RIMS2: variants seen among roughly 807,000 people sequenced by gnomAD.
RIMS2 encodes the protein regulating synaptic membrane exocytosis protein 2.
Under a neutral mutation model 174.4 loss-of-function variants are expected in RIMS2, and 59 were observed. The observed-to-expected ratio is 0.34, with a 90% confidence interval of 0.27 to 0.42. The LOEUF (loss-of-function observed/expected upper bound fraction) is 0.42, where lower values mean the gene tolerates loss of function less well. RIMS2 is among the 10% of genes least tolerant of loss of function. The pLI, the probability that RIMS2 is intolerant of heterozygous loss-of-function variation, is 1.00. For synonymous variants in RIMS2, 606 were observed against 572.5 expected (o/e 1.06, Z -0.84); for missense variants, 1,620 against 1,666.3 (o/e 0.97, Z 0.48).
chr8:103,850,506 C>A (rs1242933965), intron 3 of RIMS2, among the ~76,000 whole-genome samples: 3 of 152,118 alleles, frequency 2.0e-5, no homozygotes, highest in African/African-American at 7.2e-5. Flanking sequence ...TAGGAAGGAT[C>A]ATCTTCCAAT....
At chr8:103,598,118 A>G (rs1215598537) in intron 1 of RIMS2, among the ~76,000 whole-genome samples, 2 of 152,188 alleles carry the variant, frequency 1.3e-5, no homozygotes, top group Non-Finnish European at 2.9e-5. Context: ...GTTTGTGATC[A>G]AGTTTAGAAA....
intron 19 of RIMS2, among the ~76,000 whole-genome samples, chr8:104,121,564 C>T (rs2098374656): frequency 6.6e-6 from 1 of 152,172 alleles, no homozygotes; most frequent in Non-Finnish European, 1.5e-5. Flanking sequence ...AAATACAAGA[C>T]TATTACAAAG....
intron 19 of RIMS2, among the ~76,000 whole-genome samples, chr8:104,182,536 A>G (rs9643005): frequency 0.41 from 62,487 of 151,278 alleles, 13,379 homozygotes; most frequent in East Asian, 0.65. Context: ...TCCTCATTTC[A>G]CCCATTCATC....
At position 103,846,260 on chromosome 8, in the gene RIMS2, A is replaced by AGAAAGAAAAG. The variant is rs561330679; in HGVS notation, c.699-39036_699-39035insAAGAAAAGGA. On this transcript the variant is annotated intron_variant, in intron 3 of 23. Coordinates refer to ENST00000504942, the Ensembl canonical transcript of RIMS2. ...CTGAGGCTTAGAAAAAGAAAGAAAA[A>AGAAAGAAAAG]GAGGAGTATTGCCTAGAAGCAGAGT... is the stretch of plus-strand genomic sequence containing the variant. Among the ~76,000 whole-genome samples the AGAAAGAAAAG allele has an allele frequency of 6.1e-3, 935 of 152,262 alleles. 12 individuals carry two copies. Among genetic ancestry groups the AGAAAGAAAAG allele is most frequent in the African/African-American group, 0.021 (885 of 41,572 alleles).
chr8:104,249,248 C>A (rs993324902), intron 21 of RIMS2, among the ~76,000 whole-genome samples: 1 of 151,830 alleles, frequency 6.6e-6, no homozygotes, highest in Non-Finnish European at 1.5e-5. Flanking sequence ...GAATCTTTAA[C>A]AATATTATCA....
chr8:103,508,804 G>A (rs950526909), intron 1 of RIMS2, among the ~76,000 whole-genome samples: 1 of 152,130 alleles, frequency 6.6e-6, no homozygotes, highest in Non-Finnish European at 1.5e-5. Flanking sequence ...TAAGGCAGTA[G>A]AGGTGGAGGT....
intron 3 of RIMS2, among the ~76,000 whole-genome samples, chr8:103,879,206 G>A (rs2099156109): frequency 6.6e-6 from 1 of 151,234 alleles, no homozygotes; most frequent in Non-Finnish European, 1.5e-5. Context: ...AAAGTCTGGG[G>A]TAGATGAATA....
At chr8:104,066,918 C>A (rs950822952) in intron 19 of RIMS2, among the ~76,000 whole-genome samples, 2 of 151,956 alleles carry the variant, frequency 1.3e-5, no homozygotes, top group African/African-American at 4.8e-5. Context: ...ATATTATTTT[C>A]ATTAAACGAT....
chr8:104,053,039 A>G (rs900882154), intron 19 of RIMS2, among the ~76,000 whole-genome samples: 1 of 152,222 alleles, frequency 6.6e-6, no homozygotes, highest in Admixed American at 6.5e-5. Context: ...GTAAGGTCCA[A>G]TAGAATGGTG....
chr8:103,976,380 C>T (rs1020389616), intron 16 of RIMS2: 1 of 151,960 alleles, frequency 6.6e-6, no homozygotes, highest in Admixed American at 6.6e-5. Context: ...AACCAGTTTT[C>T]AATCACATAT....
chr8:103,883,458 G>A (rs1480135995), intron 3 of RIMS2, among the ~76,000 whole-genome samples: 1 of 151,394 alleles, frequency 6.6e-6, no homozygotes, highest in Non-Finnish European at 1.5e-5. Flanking sequence ...TAGGGTGTTG[G>A]GTACTATAAA....
intron 19 of RIMS2, among the ~76,000 whole-genome samples, chr8:104,238,233 G>A (rs544470012): frequency 1.2e-4 from 18 of 152,190 alleles, no homozygotes; most frequent in African/African-American, 3.9e-4. Flanking sequence ...TCACTCATAA[G>A]TGGGATTTGA....
chr8:103,648,064 A>G (rs769598781), intron 1 of RIMS2, among the ~76,000 whole-genome samples: 67 of 151,844 alleles, frequency 4.4e-4, no homozygotes, highest in Non-Finnish European at 8.0e-4. Context: ...TAATGCTATA[A>G]ATTTCCCCCC....
At chr8:103,764,947 G>A (rs898866041) in intron 2 of RIMS2, among the ~76,000 whole-genome samples, 1 of 152,074 alleles carries the variant, frequency 6.6e-6, no homozygotes, top group East Asian at 1.9e-4. Context: ...ATAAAAATGA[G>A]CAAGTACAAT....
chr8:103,961,083 A>T lies in RIMS2; in HGVS notation c.2720A>T (p.Asp907Val), dbSNP rs374496599. 4 of 1,499,516 alleles carry T rather than the reference A, an allele frequency of 2.7e-6. No individual in the cohort carries two copies. In the Admixed American group the frequency reaches 5.0e-5, roughly 19 times the overall value. The allele number at this position is 1,499,516 out of a possible 1,614,324, so 92.9% of individuals were successfully genotyped here. Residue 907 changes from aspartate to valine, a missense_variant, in exon 15 of 24, where the codon GAT becomes GTT. Around this residue, in one of 2 missense-constraint regions of RIMS2, gnomAD observed 1,395 missense variants for 1,360.1 expected, o/e 1.03. Transcript: ENST00000504942. ...TTTATAGGGTCAAAGAGAATAAGTG[A>T]TAGTGAAGTCTCTGACTATGACTGT... is the stretch of plus-strand genomic sequence containing the variant.
intron 3 of RIMS2, among the ~76,000 whole-genome samples, chr8:103,833,827 G>A (rs73293818): frequency 0.019 from 2,866 of 152,054 alleles, 81 homozygotes; most frequent in African/African-American, 0.064. Context: ...TTTAACATCT[G>A]GGTTTGTTAT....
chr8:104,099,891 A>C (rs1598819432), intron 19 of RIMS2, among the ~76,000 whole-genome samples: 1 of 151,168 alleles, frequency 6.6e-6, no homozygotes, highest in Admixed American at 6.6e-5. Context: ...ATCATGGCTC[A>C]CTGCAGCCTC....
chr8:103,963,314 C>A (rs2090772897), intron 15 of RIMS2, among the ~76,000 whole-genome samples: 1 of 152,102 alleles, frequency 6.6e-6, no homozygotes, highest in African/African-American at 2.4e-5. Context: ...AACAAACCAG[C>A]AAAATCTATT....
chr8:104,123,208 C>A (rs2098399076), intron 19 of RIMS2, among the ~76,000 whole-genome samples: 1 of 151,882 alleles, frequency 6.6e-6, no homozygotes, highest in Admixed American at 6.6e-5. Flanking sequence ...ATAATGCTAA[C>A]TTTCACTCAG....
Sources: allele counts gnomAD v4.1 joint callset (sites outside exome capture counted in the v4.1 genomes callset), GRCh38; gene constraint gnomAD v4.1.1; regional missense constraint gnomAD v4.1.1; transcripts MANE v1.5; gene names NCBI Gene and HGNC (gene_info 2026-07-23, HGNC 2026-07-21).